Variants in MTAP observed in about 807,000 individuals in gnomAD.
The protein encoded by MTAP is S-methyl-5'-thioadenosine phosphorylase.
Under a neutral mutation model 33.6 loss-of-function variants are expected in MTAP, and 33 were observed. The observed-to-expected ratio is 0.98, with a 90% CI of 0.74 to 1.31. MTAP has a LOEUF of 1.31. Ranked by LOEUF, MTAP falls within the 40% of genes most tolerant of loss-of-function variation. The probability of loss-of-function intolerance (pLI) is 0.00; values close to 1 mark genes in which losing one functional copy is unlikely to be tolerated. For missense variants in MTAP, 367 were observed against 360.0 expected (o/e 1.02, Z -0.16); for synonymous variants, 148 against 125.7 (o/e 1.18, Z -1.19).
chr9:21,853,643 G>A (rs1376834680), intron 5 of MTAP, among the ~76,000 whole-genome samples: 1 of 152,228 alleles, frequency 6.6e-6, no homozygotes, highest in Non-Finnish European at 1.5e-5. Context: ...AGCCAAATAT[G>A]TGTAGAAGCT....
intron 5 of MTAP, among the ~76,000 whole-genome samples, chr9:21,851,854 T>C (rs540795779): frequency 1.5e-4 from 23 of 152,266 alleles, no homozygotes; most frequent in African/African-American, 5.5e-4. Flanking sequence ...AGTCTACATC[T>C]TTCTCCCATG....
chr9:21,930,061 T>C, intron 1 of MTAP: 1 of 441,770 alleles, frequency 2.3e-6, no homozygotes, highest in South Asian at 1.9e-5. Context: ...CATGCAGTAC[T>C]TGAAATTTCT....
At chr9:21,828,758 C>T (rs900809575) in intron 4 of MTAP, among the ~76,000 whole-genome samples, 3 of 152,054 alleles carry the variant, frequency 2.0e-5, no homozygotes, top group East Asian at 1.9e-4. Flanking sequence ...GGGGTGATAA[C>T]GTTTTGAATA....
intron 1 of MTAP, among the ~76,000 whole-genome samples, chr9:21,925,256 G>A (rs1355852343): frequency 6.6e-6 from 1 of 152,106 alleles, no homozygotes; most frequent in African/African-American, 2.4e-5. Flanking sequence ...GCTACAAGAG[G>A]CCCTGGTGAA....
intron 2 of MTAP, among the ~76,000 whole-genome samples, chr9:21,815,829 T>C (rs1312915668): frequency 6.6e-6 from 1 of 152,216 alleles, no homozygotes; most frequent in Admixed American, 6.5e-5. Context: ...TTTTCAAATC[T>C]ACATTCAAAT....
intron 4 of MTAP, among the ~76,000 whole-genome samples, chr9:21,837,001 C>G (rs1185903870): frequency 6.6e-6 from 1 of 152,166 alleles, no homozygotes; most frequent in Non-Finnish European, 1.5e-5. Context: ...CCATGCTGTC[C>G]CCTCCTCCCT....
rs767544223 is a variant in MTAP, at chr9:21,866,630, C to G, written c.*4616C>G. ...TCTTCTTATGCCAGTACCCCACTGT[C>G]TTGATTATTGTGGCTTTATGGTGTC... On this transcript the variant is annotated 3_prime_UTR_variant, in exon 8 of 8. Coordinates refer to ENST00000644715, the MANE Select transcript of MTAP (RefSeq NM_002451.4). 33 of 152,088 alleles carry G rather than the reference C, an allele frequency of 2.2e-4. No homozygotes were observed. The highest frequency in any genetic ancestry group is 4.6e-4 in the Non-Finnish European group (31 of 67,986). The allele number at this position is 152,088 out of a possible 1,614,324, so 9.4% of individuals were successfully genotyped here.
intron 4 of MTAP, among the ~76,000 whole-genome samples, chr9:21,827,598 C>G: frequency 6.6e-6 from 1 of 152,140 alleles, no homozygotes; most frequent in East Asian, 1.9e-4. Flanking sequence ...TGTATTTATA[C>G]CTGACATTAT....
intron 1 of MTAP, among the ~76,000 whole-genome samples, chr9:21,912,532 C>T (rs1256565186): frequency 2.0e-5 from 3 of 152,096 alleles, no homozygotes; most frequent in South Asian, 2.1e-4. Flanking sequence ...AGACAAAAAC[C>T]ACATGATTAT....
chr9:21,910,022 C>T (rs907949057), intron 1 of MTAP, among the ~76,000 whole-genome samples: 1 of 152,162 alleles, frequency 6.6e-6, no homozygotes, highest in Non-Finnish European at 1.5e-5. Flanking sequence ...GGAACTCTAA[C>T]CCATCTGGCC....
At chr9:21,813,122 T>G (rs1206456208) in intron 1 of MTAP, among the ~76,000 whole-genome samples, 5 of 152,222 alleles carry the variant, frequency 3.3e-5, no homozygotes, top group Non-Finnish European at 7.3e-5. Context: ...CCATCAGTGC[T>G]TGGGTACTTC....
At chr9:21,844,228 C>G (rs1187169381) in intron 5 of MTAP, among the ~76,000 whole-genome samples, 1 of 152,066 alleles carries the variant, frequency 6.6e-6, no homozygotes, top group Non-Finnish European at 1.5e-5. Flanking sequence ...AAGATTGAAA[C>G]AGTAATTTTA....
chr9:21,807,771 T>C (rs1587192721), intron 1 of MTAP, among the ~76,000 whole-genome samples: 1 of 152,246 alleles, frequency 6.6e-6, no homozygotes, highest in East Asian at 1.9e-4. Flanking sequence ...TGAGGAAGTT[T>C]ATTTTGATTT....
chr9:21,916,603 A>G (rs1471726842), intron 1 of MTAP, among the ~76,000 whole-genome samples: 1 of 152,100 alleles, frequency 6.6e-6, no homozygotes, highest in Non-Finnish European at 1.5e-5. Context: ...GTGAGAATCC[A>G]TCTCAAAAAA....
At chr9:21,906,831 C>A (rs542290401) in intron 1 of MTAP, among the ~76,000 whole-genome samples, 1 of 152,010 alleles carries the variant, frequency 6.6e-6, no homozygotes, top group Non-Finnish European at 1.5e-5. Context: ...GAAACAATTA[C>A]CAGAATATAG....
chr9:21,832,580 G>A (rs1003709566), intron 4 of MTAP, among the ~76,000 whole-genome samples: 6 of 152,054 alleles, frequency 3.9e-5, no homozygotes, highest in African/African-American at 1.4e-4. Flanking sequence ...CCTTTCCCCA[G>A]TTACTTGCGT....
intron 1 of MTAP, among the ~76,000 whole-genome samples, chr9:21,883,659 T>C (rs778255549): frequency 6.6e-6 from 1 of 150,648 alleles, no homozygotes; most frequent in African/African-American, 2.4e-5. Context: ...CAGATCTCAT[T>C]GGAGAACGTG....
exon 8 of MTAP, chr9:21,936,336 T>C (rs1383540131): frequency 6.6e-6 from 1 of 152,200 alleles, no homozygotes; most frequent in Non-Finnish European, 1.5e-5. Context: ...CCACACTGTA[T>C]TGTTTGGACA....
chr9:21,835,610 G>A (rs2118293872), intron 4 of MTAP, among the ~76,000 whole-genome samples: 1 of 152,212 alleles, frequency 6.6e-6, no homozygotes, highest in South Asian at 2.1e-4. Flanking sequence ...CAGGCTTCTT[G>A]CTGAGTTATA....
Sources: allele counts gnomAD v4.1 joint callset (sites outside exome capture counted in the v4.1 genomes callset), GRCh38; gene constraint gnomAD v4.1.1; transcripts MANE v1.5; gene names NCBI Gene and HGNC (gene_info 2026-07-23, HGNC 2026-07-21).